The following ERC2 variants were observed in gnomAD, a reference collection of about 807,000 sequenced individuals.
ERC2 encodes the protein ELKS/RAB6-interacting/CAST family member 2, also known as ERC protein 2.
Under a neutral mutation model 114.8 loss-of-function variants are expected in ERC2, and 42 were observed. The observed-to-expected ratio is 0.37, with a 90% CI of 0.29 to 0.47. The LOEUF (loss-of-function observed/expected upper bound fraction) is 0.47. Ranked by LOEUF, ERC2 falls within the 20% of genes least tolerant of loss-of-function variation. The pLI is 0.99. For missense variants in ERC2, 939 were observed against 1,150.7 expected (o/e 0.82, Z 2.66); for synonymous variants, 454 against 425.5 (o/e 1.07, Z -0.82).
chr3:55,616,730 A>G (rs1158923148), intron 17 of ERC2, among the ~76,000 whole-genome samples: 3 of 151,290 alleles, frequency 2.0e-5, no homozygotes, highest in Non-Finnish European at 4.4e-5. Context: ...CTTTGTCCCT[A>G]TTTTACAAAT....
At chr3:55,767,487 C>T (rs1284874550) in intron 14 of ERC2, among the ~76,000 whole-genome samples, 1 of 152,158 alleles carries the variant, frequency 6.6e-6, no homozygotes. Context: ...GACAGACGCC[C>T]AGCTCCACTC....
chr3:56,100,991 A>T (rs538185575), intron 6 of ERC2, among the ~76,000 whole-genome samples: 2 of 152,336 alleles, frequency 1.3e-5, no homozygotes, highest in South Asian at 2.1e-4. Flanking sequence ...GAGGAAAAAA[A>T]ATCATCCTCT....
chr3:55,582,710 C>T (rs2057322929), intron 17 of ERC2, among the ~76,000 whole-genome samples: 1 of 152,224 alleles, frequency 6.6e-6, no homozygotes, highest in Non-Finnish European at 1.5e-5. Flanking sequence ...GGAGTAAACT[C>T]TGTCTTTGAA....
intron 14 of ERC2, among the ~76,000 whole-genome samples, chr3:55,814,790 T>C (rs1220762585): frequency 6.6e-6 from 1 of 152,224 alleles, no homozygotes; most frequent in Non-Finnish European, 1.5e-5. Flanking sequence ...CTTGTCAAAC[T>C]CACAATCGTG....
chr3:55,824,615 A>G (rs772015473), intron 14 of ERC2, among the ~76,000 whole-genome samples: 8 of 152,226 alleles, frequency 5.3e-5, no homozygotes, highest in Non-Finnish European at 1.0e-4. Flanking sequence ...TTCCCACAAC[A>G]CTTTATCACT....
At chr3:56,032,974 A>AAAG (rs2074516265) in intron 7 of ERC2, among the ~76,000 whole-genome samples, 1 of 82,882 alleles carries the variant, frequency 1.2e-5, no homozygotes, top group Admixed American at 1.1e-4. Context: ...AGAAAGAAAG[A>AAAG]AAGAGAAAGA....
chr3:55,767,424 G>A (rs896358082), intron 14 of ERC2, among the ~76,000 whole-genome samples: 6 of 152,156 alleles, frequency 3.9e-5, no homozygotes, highest in African/African-American at 2.4e-5. Context: ...TTAACTGTGG[G>A]CCCTTTGCTT....
intron 17 of ERC2, among the ~76,000 whole-genome samples, chr3:55,593,394 A>G (rs1354421210): frequency 6.6e-6 from 1 of 152,144 alleles, no homozygotes; most frequent in East Asian, 1.9e-4. Flanking sequence ...CCAGGATGAA[A>G]ATAGGATGAA....
chr3:55,664,120 T>C (rs2061256782), intron 17 of ERC2, among the ~76,000 whole-genome samples: 1 of 152,126 alleles, frequency 6.6e-6, no homozygotes, highest in Admixed American at 6.6e-5. Flanking sequence ...ATATAGGAAA[T>C]TCAAATTTTA....
chr3:56,100,400 C>T (rs939541050), intron 6 of ERC2, among the ~76,000 whole-genome samples: 1 of 152,156 alleles, frequency 6.6e-6, no homozygotes, highest in African/African-American at 2.4e-5. Flanking sequence ...GCACCCCAGT[C>T]CAAGGCACAG....
intron 3 of ERC2, among the ~76,000 whole-genome samples, chr3:56,205,776 T>A (rs533924325): frequency 6.6e-6 from 1 of 152,196 alleles, no homozygotes; most frequent in Non-Finnish European, 1.5e-5. Context: ...TCCCAAGGTC[T>A]GGAGAATCAA....
At chr3:55,511,513 A>T (rs145076066) in intron 17 of ERC2, among the ~76,000 whole-genome samples, 1,656 of 152,308 alleles carry the variant, frequency 0.011, 19 homozygotes, top group Admixed American at 0.037. Context: ...CTCTTTCAAA[A>T]TATGTCACGT....
chr3:56,058,269 C>T (rs1420237127), intron 7 of ERC2, among the ~76,000 whole-genome samples: 1 of 152,318 alleles, frequency 6.6e-6, no homozygotes, highest in East Asian at 1.9e-4. Context: ...GTCTCTGTAA[C>T]TGTTACGACC....
chr3:55,938,463 C>T (rs1398278517), intron 13 of ERC2, among the ~76,000 whole-genome samples: 2 of 152,144 alleles, frequency 1.3e-5, no homozygotes, highest in South Asian at 2.1e-4. Flanking sequence ...CAGTCAAGAA[C>T]GACCTTAATC....
chr3:55,839,342 T>C (rs1329954453), intron 14 of ERC2, among the ~76,000 whole-genome samples: 3 of 151,796 alleles, frequency 2.0e-5, no homozygotes, highest in Non-Finnish European at 4.4e-5. Context: ...TTAAAGTCTT[T>C]AAGCACAAGG....
At chr3:56,064,009 G>A (rs1040210510) in intron 7 of ERC2, among the ~76,000 whole-genome samples, 3 of 152,132 alleles carry the variant, frequency 2.0e-5, no homozygotes, top group Non-Finnish European at 4.4e-5. Context: ...ACTTGGGAAT[G>A]CTTTCACTGA....
intron 7 of ERC2, among the ~76,000 whole-genome samples, chr3:56,072,695 G>A (rs2076794383): frequency 6.6e-6 from 1 of 152,070 alleles, no homozygotes; most frequent in African/African-American, 2.4e-5. Flanking sequence ...CCAAAAGGTT[G>A]ATAAAATAAA....
At chr3:55,809,299 T>C (rs2059625244) in intron 14 of ERC2, among the ~76,000 whole-genome samples, 1 of 152,092 alleles carries the variant, frequency 6.6e-6, no homozygotes, top group African/African-American at 2.4e-5. Flanking sequence ...ACCTGGGAAT[T>C]TATCATTTGA....
chr3:56,260,827 A>G (rs1213349502), intron 3 of ERC2, among the ~76,000 whole-genome samples: 1 of 152,200 alleles, frequency 6.6e-6, no homozygotes, highest in East Asian at 1.9e-4. Flanking sequence ...CAATTCTCAG[A>G]ATGCCAATTT....
Sources: allele counts gnomAD v4.1 joint callset (sites outside exome capture counted in the v4.1 genomes callset), GRCh38; gene constraint gnomAD v4.1.1; transcripts MANE v1.5; gene names NCBI Gene and HGNC (gene_info 2026-07-23, HGNC 2026-07-21).